The following PRICKLE2 variants were observed in gnomAD, a reference collection of about 807,000 sequenced individuals.
PRICKLE2 encodes the protein prickle planar cell polarity protein 2.
In PRICKLE2, 21 loss-of-function variants were observed where a neutral mutation model predicts 81.4. The ratio of observed to expected loss-of-function variants is 0.26; its 90% confidence interval spans 0.18 to 0.37. PRICKLE2 has a LOEUF of 0.37. Among genes scored for constraint, PRICKLE2 ranks in the 10% least tolerant of loss-of-function variants. The pLI is 1.00. For synonymous variants in PRICKLE2, 456 were observed against 421.5 expected (o/e 1.08, Z -1.00); for missense variants, 940 against 1,109.0 (o/e 0.85, Z 2.16).
chr3:64,178,172 T>C (rs889412651), intron 2 of PRICKLE2, among the ~76,000 whole-genome samples: 30 of 152,256 alleles, frequency 2.0e-4, no homozygotes, highest in Non-Finnish European at 5.9e-5. Flanking sequence ...CATCTTTTCA[T>C]GTGCTTATCA....
At chr3:64,256,191 C>G (rs1398093134) in intron 2 of PRICKLE2, among the ~76,000 whole-genome samples, 4 of 152,168 alleles carry the variant, frequency 2.6e-5, no homozygotes, top group Non-Finnish European at 5.9e-5. Context: ...GACCTTCAAG[C>G]CAAGTCCAGC....
chr3:64,233,733 T>C (rs2079139391), intron 2 of PRICKLE2, among the ~76,000 whole-genome samples: 1 of 152,192 alleles, frequency 6.6e-6, no homozygotes, highest in Non-Finnish European at 1.5e-5. Flanking sequence ...AGCTCACCCA[T>C]TTAAGTATAT....
rs747788121 is a variant in PRICKLE2 at position 64,099,637 on chromosome 3, G to A, written c.1949C>T (p.Ala650Val). The change falls in exon 8 of 8, where the codon GCG becomes GTG. Residue 650 changes from alanine (A) to valine (V), a missense_variant. Ala to Val is a moderately conservative substitution (Grantham distance 64). This residue lies in a region of PRICKLE2 where 670 missense variants were observed against 717.2 expected (regional missense o/e 0.93). Transcript: ENST00000638394. The surrounding 1 kb of genome is among the most constrained non-coding windows in gnomAD (Gnocchi z 4.3). ...CTCCTGCCCTGGCAGCTTGCTGCCC[G>A]CCATCCCTCCATCAAAATCAAAGCT... ...HQSFDFDGGM[A>V]GSKLPGQEGV... The A allele has an allele frequency of 1.2e-6, 2 of 1,613,912 alleles. No individual in the cohort carries two copies. The highest frequency in any genetic ancestry group is 3.3e-5 in the Admixed American group (2 of 60,008).
Position 64,147,743 on chromosome 3 carries a change from C to A in PRICKLE2, c.788-41G>T. On this transcript the variant is annotated intron_variant, in intron 6 of 7. Coordinates refer to ENST00000638394, the MANE Select transcript of PRICKLE2 (RefSeq NM_198859.4). The surrounding 1 kb of genome is among the most constrained non-coding windows in gnomAD (Gnocchi z 5.0). ...ACATTGGAGAGGCTGATGAGCTGCT[C>A]AGAGCTCTGCACTGGGACGTGAAAC... The A allele has an allele frequency of 6.2e-7, 1 of 1,610,322 alleles. No homozygotes were observed. Among genetic ancestry groups the A allele is most frequent in the South Asian group, 1.1e-5 (1 of 90,850 alleles).
intron 2 of PRICKLE2, among the ~76,000 whole-genome samples, chr3:64,253,005 G>A (rs1036890362): frequency 6.6e-6 from 1 of 152,122 alleles, no homozygotes; most frequent in Non-Finnish European, 1.5e-5. Context: ...TGATCTATGA[G>A]TACCTTCCAG....
chr3:64,168,785 T>A (rs1426715839), intron 2 of PRICKLE2, among the ~76,000 whole-genome samples: 1 of 152,178 alleles, frequency 6.6e-6, no homozygotes, highest in Non-Finnish European at 1.5e-5. Flanking sequence ...ATACAGTAGA[T>A]TCCCAATAGG....
At position 64,098,925 on chromosome 3, in the gene PRICKLE2, T is replaced by TGAC; in HGVS notation, c.*123_*125dup. Reference sequence around the variant, plus strand: ...AACCTGTAACCTTGCCTCCATCTACTGACAGCATTTTCCCTTTTCTCCCCC... The same window carrying TGAC: ...AACCTGTAACCTTGCCTCCATCTACTGACGACAGCATTTTCCCTTTTCTCCCCC... On this transcript the variant is annotated 3_prime_UTR_variant, in exon 8 of 8. Transcript: ENST00000638394. 9.4e-7 allele frequency: 1 copy of TGAC among 1,063,208 alleles called. No homozygotes were observed. The highest frequency in any genetic ancestry group is 1.3e-5 in the South Asian group (1 of 77,296). The allele number at this position is 1,063,208 out of a possible 1,614,324, so 65.9% of individuals were successfully genotyped here.
chr3:64,209,259 T>C (rs1160882205), intron 1 of PRICKLE2, among the ~76,000 whole-genome samples: 2 of 152,030 alleles, frequency 1.3e-5, no homozygotes, highest in Admixed American at 6.5e-5. Context: ...TACCCATAAA[T>C]ACAGCCATAT....
chr3:64,223,427 T>C (rs1024300912), intron 1 of PRICKLE2, among the ~76,000 whole-genome samples: 1 of 152,212 alleles, frequency 6.6e-6, no homozygotes, highest in Non-Finnish European at 1.5e-5. Flanking sequence ...TCATACTATC[T>C]AACCTCTAAG....
At chr3:64,116,159 A>T (rs1158542206) in intron 7 of PRICKLE2, among the ~76,000 whole-genome samples, 1 of 152,226 alleles carries the variant, frequency 6.6e-6, no homozygotes, top group African/African-American at 2.4e-5. Context: ...GACAACAAAG[A>T]TACAACATAT....
At chr3:64,234,720 G>A (rs1054921106) in intron 2 of PRICKLE2, among the ~76,000 whole-genome samples, 1 of 152,034 alleles carries the variant, frequency 6.6e-6, no homozygotes, top group Non-Finnish European at 1.5e-5. Flanking sequence ...CTTTTTAAGA[G>A]CATTCTTCTA....
chr3:64,165,971 T>A (rs1300380085), intron 2 of PRICKLE2, among the ~76,000 whole-genome samples: 1 of 8,474 alleles, frequency 1.2e-4, no homozygotes, highest in African/African-American at 4.2e-4. Flanking sequence ...AAGGTGTGTG[T>A]GTGTGTGTGT....
upstream of PRICKLE2, among the ~76,000 whole-genome samples, chr3:64,225,813 C>T (rs553222516): frequency 1.2e-4 from 18 of 152,146 alleles, no homozygotes; most frequent in Admixed American, 6.5e-4. Flanking sequence ...ATATGCTGCA[C>T]CAACCTAGGA....
intron 2 of PRICKLE2, among the ~76,000 whole-genome samples, chr3:64,198,256 A>AC (rs2078499724): frequency 7.2e-6 from 1 of 138,098 alleles, no homozygotes; most frequent in Non-Finnish European, 1.6e-5. Flanking sequence ...ATAAATAAAT[A>AC]AAACAAAAAA....
chr3:64,166,526 C>T (rs1427735218), intron 2 of PRICKLE2, among the ~76,000 whole-genome samples: 2 of 152,206 alleles, frequency 1.3e-5, no homozygotes, highest in South Asian at 4.1e-4. Context: ...TTTGGGAACA[C>T]AGCTCTATCT....
intron 5 of PRICKLE2, chr3:64,154,420 C>G (rs539201174): frequency 6.6e-6 from 1 of 151,474 alleles, no homozygotes; most frequent in South Asian, 2.1e-4. Flanking sequence ...GTGGCGGGCA[C>G]CTGCAGTCCC....
Position 64,147,073 on chromosome 3 carries a change from A to C in PRICKLE2, c.1417T>G (p.Tyr473Asp). The C allele has an allele frequency of 6.2e-7, 1 of 1,614,086 alleles. No individual in the cohort carries two copies. Among genetic ancestry groups the C allele is most frequent in the Non-Finnish European group, 8.5e-7 (1 of 1,180,030 alleles). Reference sequence around the variant, plus strand: ...TCCTGAGATCTCAGCCTCCCCGGGTAATAGTCTTCTCGGCATTCCTTGATG... The same window carrying C: ...TCCTGAGATCTCAGCCTCCCCGGGTCATAGTCTTCTCGGCATTCCTTGATG... ...SFIKECREDY[Y>D]PGRLRSQESY... is the part of the protein sequence containing the mutation. The change falls in exon 7 of 8, where the codon TAC (tyrosine) becomes GAC (aspartate). Residue 473 changes from tyrosine to aspartate, a missense_variant. Physicochemically the swap from Tyr to Asp is radical, Grantham distance 160 (BLOSUM62 -3). This residue lies in a region of PRICKLE2 where 670 missense variants were observed against 717.2 expected (regional missense o/e 0.93). Coordinates refer to ENST00000638394, the MANE Select transcript of PRICKLE2 (RefSeq NM_198859.4). This position sits in a 1 kb window ranked among gnomAD's most constrained non-coding sequence, Gnocchi z 5.0.
chr3:64,157,079 T>C (rs2077647279), intron 5 of PRICKLE2, 83 bp downstream of exon 5: 4 of 1,313,040 alleles, frequency 3.0e-6, no homozygotes, highest in Admixed American at 1.7e-5. Flanking sequence ...CTTTCTTCAG[T>C]GCAGAAAGCC....
intron 1 of PRICKLE2, among the ~76,000 whole-genome samples, chr3:64,205,862 T>A (rs2078678909): frequency 6.6e-6 from 1 of 152,116 alleles, no homozygotes; most frequent in Non-Finnish European, 1.5e-5. Context: ...TCTCCTAAGC[T>A]CAACCTCCTC....
Sources: gnomAD v4.1 joint callset for allele counts (sites outside exome capture counted in the v4.1 genomes callset) on GRCh38, gnomAD v4.1.1 for gene constraint, gnomAD v4.1.1 regional missense constraint, Gnocchi (gnomAD v3.1) non-coding constraint, MANE v1.5 for transcripts, NCBI Gene and HGNC (gene_info 2026-07-23, HGNC 2026-07-21) for gene names.